IQANK1: variants seen among roughly 807,000 people sequenced by gnomAD.
IQANK1 encodes the protein IQ motif and ankyrin repeat containing 1, also known as IQ motif and ankyrin repeat domain-containing protein 1.
IQANK1 carries 30 observed loss-of-function variants against 22.6 expected under a neutral mutation model. The observed-to-expected ratio is 1.33, with a 90% confidence interval of 0.99 to 1.80. IQANK1 has a LOEUF of 1.80. Among genes scored for constraint, IQANK1 ranks in the 40% most tolerant of loss-of-function variants. The pLI, the probability that IQANK1 is intolerant of heterozygous loss-of-function variation, is 0.00. For synonymous variants in IQANK1, 122 were observed against 99.6 expected (o/e 1.23, Z -1.34); for missense variants, 275 against 235.2 (o/e 1.17, Z -1.11).
intron 3 of IQANK1, among the ~76,000 whole-genome samples, chr8:143,764,016 T>G (rs1331057694): frequency 6.6e-6 from 1 of 152,140 alleles, no homozygotes; most frequent in Non-Finnish European, 1.5e-5. Context: ...TTTAAAAATA[T>G]GTAGCTGATC....
At chr8:143,782,302 T>A (rs1819809418) in intron 7 of IQANK1, among the ~76,000 whole-genome samples, 1 of 152,166 alleles carries the variant, frequency 6.6e-6, no homozygotes, top group Admixed American at 6.5e-5. Flanking sequence ...GGATGCCTTT[T>A]CTTTCTCTTG....
At chr8:143,748,228 C>T (rs1356805928) in intron 3 of IQANK1, among the ~76,000 whole-genome samples, 9 of 151,524 alleles carry the variant, frequency 5.9e-5, no homozygotes, top group African/African-American at 2.2e-4. Context: ...CTCCTAAGCT[C>T]AAGTGATCTA....
intron 3 of IQANK1, chr8:143,744,806 A>G (rs985093022): frequency 6.6e-6 from 1 of 152,246 alleles, no homozygotes; most frequent in Non-Finnish European, 1.5e-5. Flanking sequence ...CAAGGAGCCA[A>G]TGTGAGCATT....
chr8:143,787,920 G>A (rs575467342), intron 7 of IQANK1, among the ~76,000 whole-genome samples: 21 of 152,168 alleles, frequency 1.4e-4, no homozygotes, highest in African/African-American at 4.1e-4. Flanking sequence ...ACACCTTCTC[G>A]GTCTGCTCTT....
At chr8:143,765,127 G>A (rs550952683) in intron 3 of IQANK1, among the ~76,000 whole-genome samples, 99 of 152,202 alleles carry the variant, frequency 6.5e-4, no homozygotes, top group South Asian at 1.7e-3. Context: ...AGGCCAAGGC[G>A]GGCAGATCCC....
chr8:143,737,997 C>T (rs1168983123), intron 2 of IQANK1, among the ~76,000 whole-genome samples: 6 of 152,210 alleles, frequency 3.9e-5, no homozygotes, highest in African/African-American at 1.4e-4. Context: ...GGAGCAGTGG[C>T]CGGCACCGGT....
chr8:143,772,289 AGGGCCCTCAGGG>A, intron 6 of IQANK1, 46 bp downstream of exon 6: 1 of 398,252 alleles, frequency 2.5e-6, no homozygotes, highest in Non-Finnish European at 4.4e-6. Context: ...GGCGCGGTCC[AGGGCCCTCAGGG>A]GCCTCCTTCC....
At chr8:143,783,662 T>C (rs1301632586) in intron 7 of IQANK1, among the ~76,000 whole-genome samples, 1 of 152,218 alleles carries the variant, frequency 6.6e-6, no homozygotes, top group Admixed American at 6.5e-5. Flanking sequence ...CCCAAGGACA[T>C]AAAGATATTT....
intron 2 of IQANK1, among the ~76,000 whole-genome samples, chr8:143,738,897 GC>G (rs1818818447): frequency 6.6e-6 from 1 of 152,182 alleles, no homozygotes; most frequent in African/African-American, 2.4e-5. Context: ...CAGCTAGCAC[GC>G]CCACAGGAGC....
intron 2 of IQANK1, 121 bp from the exon 3 acceptor site, chr8:143,739,737 CG>C: frequency 1.7e-6 from 1 of 577,628 alleles, no homozygotes. Flanking sequence ...GGAGGAGGCC[CG>C]GGTGGGGGGC....
At chr8:143,753,783 T>C (rs1399453609) in intron 3 of IQANK1, among the ~76,000 whole-genome samples, 1 of 152,194 alleles carries the variant, frequency 6.6e-6, no homozygotes, top group African/African-American at 2.4e-5. Flanking sequence ...TTGATTTATT[T>C]TTGTTTTCCT....
intron 7 of IQANK1, among the ~76,000 whole-genome samples, chr8:143,772,872 A>G (rs1554629936): frequency 6.6e-6 from 1 of 152,194 alleles, no homozygotes; most frequent in Non-Finnish European, 1.5e-5. Context: ...GGGTTGGCAG[A>G]GCTCACGGCG....
rs1819645369 is a variant in IQANK1 at position 143,774,456 on chromosome 8, C to T, written c.789+1974C>T. ...GATGAACACCCGAGGAGGTGTTGCA[C>T]ACCACCTCACACCTCCCAGGACAGC... On this transcript the variant is annotated intron_variant, in intron 7 of 13. Coordinates refer to ENST00000527139, the MANE Select transcript of IQANK1 (RefSeq NM_001381874.1). This position sits in a 1 kb window ranked among gnomAD's most constrained non-coding sequence, Gnocchi z 4.2. Among the ~76,000 whole-genome samples, 3 of 152,192 alleles carry T rather than the reference C, an allele frequency of 2.0e-5. No homozygotes were observed. The highest frequency in any genetic ancestry group is 2.9e-5 in the Non-Finnish European group (2 of 68,024).
chr8:143,734,994 C>T (rs1818691761), intron 1 of IQANK1, among the ~76,000 whole-genome samples: 1 of 152,204 alleles, frequency 6.6e-6, no homozygotes, highest in African/African-American at 2.4e-5. Context: ...GCCACTCCCA[C>T]CCCAAGGACT....
chr8:143,773,356 G>C (rs1220309794), intron 7 of IQANK1, among the ~76,000 whole-genome samples: 1 of 151,734 alleles, frequency 6.6e-6, no homozygotes. Flanking sequence ...CCCTGGGCCA[G>C]GCTGGAGACA....
chr8:143,742,290 G>A, intron 3 of IQANK1: 1 of 438,430 alleles, frequency 2.3e-6, no homozygotes, highest in Non-Finnish European at 4.6e-6. Context: ...GGAAGTGGGT[G>A]ATGAGGTGCC....
intron 3 of IQANK1, among the ~76,000 whole-genome samples, chr8:143,748,978 A>G (rs1329938975): frequency 8.9e-6 from 1 of 112,876 alleles, no homozygotes; most frequent in African/African-American, 3.5e-5. Flanking sequence ...ATATATAAAT[A>G]TATCATATAT....
chr8:143,750,968 T>G (rs11136323), intron 3 of IQANK1, among the ~76,000 whole-genome samples: 38,478 of 112,776 alleles, frequency 0.34, 5,173 homozygotes, highest in East Asian at 0.58. Flanking sequence ...GTGTGTGTGT[T>G]TTTTTGTAGT....
chr8:143,748,561 T>G (rs1819082653), intron 3 of IQANK1, among the ~76,000 whole-genome samples: 1 of 134,632 alleles, frequency 7.4e-6, no homozygotes, highest in African/African-American at 2.8e-5. Flanking sequence ...TATAGATATA[T>G]ATATCATATA....
Sources: allele counts gnomAD v4.1 joint callset (sites outside exome capture counted in the v4.1 genomes callset), GRCh38; gene constraint gnomAD v4.1.1; non-coding constraint Gnocchi (gnomAD v3.1); transcripts MANE v1.5; gene names NCBI Gene and HGNC (gene_info 2026-07-23, HGNC 2026-07-21).